Variants in PPFIA1 observed in about 807,000 individuals in gnomAD.
The protein encoded by PPFIA1 is liprin-alpha-1.
PPFIA1 carries 25 observed loss-of-function variants against 149.9 expected under a neutral mutation model. The observed-to-expected ratio is 0.17, with a 90% CI of 0.12 to 0.23. The LOEUF (loss-of-function observed/expected upper bound fraction) is 0.23, where lower values mean the gene tolerates loss of function less well. Ranked by LOEUF, PPFIA1 falls within the 10% of genes least tolerant of loss-of-function variation. PPFIA1 has a pLI of 1.00. For missense variants in PPFIA1, 1,362 were observed against 1,506.5 expected (o/e 0.90, Z 1.59); for synonymous variants, 549 against 552.8 (o/e 0.99, Z 0.10).
rs768504212 is a variant in PPFIA1 at position 70,330,342 on chromosome 11, G to T, written c.1077+23G>T. ...CAGGTAATGGATTTTATCGACCTTT[G>T]TCTGGCTTTAGTTAATTATTAATGA... is the stretch of plus-strand genomic sequence containing the variant. On this transcript the variant is annotated intron_variant, in intron 8 of 27. Coordinates refer to ENST00000253925, the MANE Select transcript of PPFIA1 (RefSeq NM_003626.5). 5 of 1,540,358 alleles carry T rather than the reference G, an allele frequency of 3.2e-6. No homozygotes were observed. The African/African-American group carries it at 5.6e-5, about 17-fold the overall frequency.
At chr11:70,316,091 G>A (rs531978384) in intron 2 of PPFIA1, among the ~76,000 whole-genome samples, 39 of 151,544 alleles carry the variant, frequency 2.6e-4, no homozygotes, top group Admixed American at 2.4e-3. Context: ...TTTTCTTTGA[G>A]ACAGAGTTTG....
intron 21 of PPFIA1, chr11:70,363,462 C>G (rs2056765811): frequency 6.6e-6 from 1 of 152,204 alleles, no homozygotes; most frequent in Non-Finnish European, 1.5e-5. Context: ...CTGTCTAGTT[C>G]AGAGGACTGG....
At chr11:70,359,521 T>G (rs1207434725) in intron 19 of PPFIA1, among the ~76,000 whole-genome samples, 1 of 152,162 alleles carries the variant, frequency 6.6e-6, no homozygotes, top group South Asian at 2.1e-4. Context: ...AGGTAGCAAC[T>G]GTACCTGTGA....
Position 70,290,627 on chromosome 11 carries a change from T to C in PPFIA1, c.264+18191T>C, listed in dbSNP as rs184357767. Among the ~76,000 whole-genome samples the C allele has an allele frequency of 2.4e-3, 373 of 152,346 alleles. 2 individuals carry two copies. The highest frequency in any genetic ancestry group is 0.021 in the Admixed American group (320 of 15,300). On this transcript the variant is annotated intron_variant, in intron 2 of 27. Coordinates refer to ENST00000253925, the MANE Select transcript of PPFIA1 (RefSeq NM_003626.5). ...AGGTCCAACCATGGAGTTCATACTC[T>C]TTTCACAGAGTCTCATTCTTATTCG...
intron 2 of PPFIA1, among the ~76,000 whole-genome samples, chr11:70,296,178 G>T (rs2051999416): frequency 6.6e-6 from 1 of 151,862 alleles, no homozygotes; most frequent in Admixed American, 6.6e-5. Flanking sequence ...GCCAGGCAGA[G>T]ACGCTCCTCA....
chr11:70,372,213 A>T lies in PPFIA1; in HGVS notation c.2866-2A>T. On this transcript the variant is annotated splice_acceptor_variant, in intron 21 of 27. Coordinates refer to ENST00000253925, the MANE Select transcript of PPFIA1 (RefSeq NM_003626.5). LOFTEE classifies it high-confidence loss of function. The stretch of plus-strand genomic sequence containing the variant: ...CTGACCTTTTCCATTTATGAAAAGC[A>T]GACACTCGCCTATGGGGACATGAAC... 2 of 1,595,468 alleles carry T rather than the reference A, an allele frequency of 1.3e-6. No individual in the cohort carries two copies. The highest frequency in any genetic ancestry group is 1.7e-6 in the Non-Finnish European group (2 of 1,172,486).
chr11:70,322,334 C>G (rs1484941294), intron 2 of PPFIA1, among the ~76,000 whole-genome samples: 1 of 152,152 alleles, frequency 6.6e-6, no homozygotes, highest in Non-Finnish European at 1.5e-5. Flanking sequence ...AGTTAATTAT[C>G]AGAGATGTAA....
rs1198441180 is a variant in PPFIA1, at chr11:70,376,533, C to CAA, written c.3317_3318insAA (p.Arg1107IlefsTer47). The CAA allele has an allele frequency of 6.2e-7, 1 of 1,612,234 alleles. No individual in the cohort carries two copies. The highest frequency in any genetic ancestry group is 1.1e-5 in the South Asian group (1 of 91,050). ...TTTGTTTTTCTTTGGTTATTTCAGG[C>CAA]TCGTGCTGTCTTGGAAAGAGAATTT... On this transcript the variant is annotated frameshift_variant and splice_region_variant, in exon 25 of 28. Coordinates refer to ENST00000253925, the MANE Select transcript of PPFIA1 (RefSeq NM_003626.5). LOFTEE classifies it high-confidence loss of function.
intron 2 of PPFIA1, among the ~76,000 whole-genome samples, chr11:70,291,226 A>T (rs770165307): frequency 1.3e-5 from 2 of 152,230 alleles, no homozygotes; most frequent in Non-Finnish European, 2.9e-5. Flanking sequence ...AAGCTAGTGC[A>T]GTCTCTTCCA....
chr11:70,329,256 A>G (rs2054513313), intron 7 of PPFIA1, among the ~76,000 whole-genome samples: 1 of 152,094 alleles, frequency 6.6e-6, no homozygotes, highest in Non-Finnish European at 1.5e-5. Context: ...TAGATATTTG[A>G]GTGTATATAT....
At chr11:70,320,203 A>G (rs1180945480) in intron 2 of PPFIA1, 1 of 152,248 alleles carries the variant, frequency 6.6e-6, no homozygotes, top group Non-Finnish European at 1.5e-5. Flanking sequence ...GAAAAGGTAC[A>G]ATTTAAGTAG....
chr11:70,349,147 A>G (rs2055895224), intron 16 of PPFIA1, among the ~76,000 whole-genome samples: 1 of 151,564 alleles, frequency 6.6e-6, no homozygotes, highest in Non-Finnish European at 1.5e-5. Flanking sequence ...AAAAAAAAAA[A>G]AAAAAAAAAA....
chr11:70,283,808 G>A (rs2050924290), intron 2 of PPFIA1: 2 of 381,620 alleles, frequency 5.2e-6, no homozygotes, highest in Middle Eastern at 5.0e-4. Flanking sequence ...AGGAGACGCT[G>A]GTGTTTGGTG....
intron 9 of PPFIA1, chr11:70,333,186 A>G (rs1199708612): frequency 4.5e-5 from 24 of 532,056 alleles, no homozygotes; most frequent in Non-Finnish European, 7.7e-5. Context: ...GGATGGGAGA[A>G]TCACGACTCC....
chr11:70,337,391 T>C lies in PPFIA1; in HGVS notation c.1455T>C (p.Ser485=). ...DKNSLLREVE[S]AKKQLEETQH... Reference sequence around the variant, plus strand: ...ACTCTCTTTTAAGAGAAGTTGAAAGTGCAAAAAAGCAGTTAGAAGAAACAC... The same window carrying C: ...ACTCTCTTTTAAGAGAAGTTGAAAGCGCAAAAAAGCAGTTAGAAGAAACAC... Residue 485 remains serine, a synonymous_variant, in exon 12 of 28, where the codon AGT becomes AGC. Coordinates refer to ENST00000253925, the MANE Select transcript of PPFIA1 (RefSeq NM_003626.5). 1 of 1,599,392 alleles carries C rather than the reference T, an allele frequency of 6.3e-7. No individual in the cohort carries two copies. The highest frequency in any genetic ancestry group is 1.1e-5 in the South Asian group (1 of 88,370).
Position 70,370,226 on chromosome 11 carries a change from G to T in PPFIA1, c.2866-1989G>T, listed in dbSNP as rs147675778. Among the ~76,000 whole-genome samples the T allele has an allele frequency of 2.7e-3, 415 of 152,028 alleles. 1 individual carries two copies. The highest frequency in any genetic ancestry group is 9.7e-3 in the African/African-American group (404 of 41,470). Reference sequence around the variant, plus strand: ...TCTTCTGTTTTGTCTTATCTAGTCCGGCTAGGGTTTGTTAATTTGATTGAT... The same window carrying T: ...TCTTCTGTTTTGTCTTATCTAGTCCTGCTAGGGTTTGTTAATTTGATTGAT... On this transcript the variant is annotated intron_variant, in intron 21 of 27. Coordinates refer to ENST00000253925, the MANE Select transcript of PPFIA1 (RefSeq NM_003626.5).
rs1157587642 is a variant in PPFIA1, at chr11:70,324,879, C to T, written c.399C>T (p.Ser133=). Residue 133 remains serine (S), a synonymous_variant, in exon 4 of 28, where the codon TCC becomes TCT. Transcript: ENST00000253925. The part of the protein sequence containing the change: ...LLLEHLECLV[S]RHERSLRMTV... ...TAGAGCATTTGGAATGCCTTGTCTCCAGGCATGAGCGGTCTCTTAGGATGA... is the reference window on the plus strand; with the variant it reads ...TAGAGCATTTGGAATGCCTTGTCTCTAGGCATGAGCGGTCTCTTAGGATGA... 6.2e-7 allele frequency: 1 copy of T among 1,607,038 alleles called. No individual in the cohort carries two copies. Among genetic ancestry groups the T allele is most frequent in the Non-Finnish European group, 8.5e-7 (1 of 1,177,178 alleles).
intron 21 of PPFIA1, among the ~76,000 whole-genome samples, chr11:70,370,915 T>G (rs769650081): frequency 6.6e-6 from 1 of 152,098 alleles, no homozygotes; most frequent in Admixed American, 6.6e-5. Context: ...GGTGGATCAC[T>G]TGAGGTCAGG....
chr11:70,289,144 G>A (rs1380837886), intron 2 of PPFIA1, among the ~76,000 whole-genome samples: 1 of 147,434 alleles, frequency 6.8e-6, no homozygotes. Flanking sequence ...ATTTTTTTTT[G>A]TATTTTTAGT....
Sources: gnomAD v4.1 joint callset for allele counts (sites outside exome capture counted in the v4.1 genomes callset) on GRCh38, gnomAD v4.1.1 for gene constraint, MANE v1.5 for transcripts, NCBI Gene and HGNC (gene_info 2026-07-23, HGNC 2026-07-21) for gene names.